PRIM2: variants seen among roughly 807,000 people sequenced by gnomAD.
The protein encoded by PRIM2 is DNA primase subunit 2.
PRIM2 carries 39 observed loss-of-function variants against 67.3 expected under a neutral mutation model. The ratio of observed to expected loss-of-function variants is 0.58; its 90% CI spans 0.45 to 0.76. The LOEUF is 0.76. PRIM2 is among the 30% of genes least tolerant of loss of function. PRIM2 has a pLI of 0.00. For missense variants in PRIM2, 398 were observed against 598.7 expected (o/e 0.66, Z 3.50); for synonymous variants, 143 against 198.7 (o/e 0.72, Z 2.36).
intron 7 of PRIM2, among the ~76,000 whole-genome samples, chr6:57,440,767 A>T (rs1314142277): frequency 6.6e-6 from 1 of 152,172 alleles, no homozygotes; most frequent in East Asian, 1.9e-4. Context: ...ACCAAATTAA[A>T]TTGCTTCCCA....
the PRIM2 span, among the ~76,000 whole-genome samples, chr6:57,223,198 G>A: frequency 6.6e-6 from 1 of 152,114 alleles, no homozygotes; most frequent in Non-Finnish European, 1.5e-5. Context: ...GACAACAAAA[G>A]TACACATGGC....
chr6:57,223,964 T>G, the PRIM2 span, among the ~76,000 whole-genome samples: 1 of 152,198 alleles, frequency 6.6e-6, no homozygotes, highest in Non-Finnish European at 1.5e-5. Flanking sequence ...ATAATTCCAC[T>G]TCTGAGTATA....
intron 7 of PRIM2, among the ~76,000 whole-genome samples, chr6:57,460,893 T>C (rs1182428419): frequency 1.8e-4 from 28 of 152,222 alleles, no homozygotes; most frequent in Admixed American, 1.6e-3. Flanking sequence ...GAACGGTTCA[T>C]AATATTGAGT....
At chr6:57,523,305 A>C in intron 8 of PRIM2, among the ~76,000 whole-genome samples, 1 of 152,250 alleles carries the variant, frequency 6.6e-6, no homozygotes, top group East Asian at 1.9e-4. Context: ...TTGCAAAATC[A>C]CACAGGTAGT....
chr6:57,407,548 C>G (rs1446848118), intron 7 of PRIM2, among the ~76,000 whole-genome samples: 1 of 152,034 alleles, frequency 6.6e-6, no homozygotes, highest in African/African-American at 2.4e-5. Flanking sequence ...TGAGCAGCCT[C>G]CACTGTTATT....
chr6:57,321,903 A>G (rs1767672195), intron 3 of PRIM2, among the ~76,000 whole-genome samples: 2 of 152,126 alleles, frequency 1.3e-5, no homozygotes, highest in South Asian at 4.1e-4. Flanking sequence ...GAATCTGGGT[A>G]TTTTGTTTCT....
intron 7 of PRIM2, among the ~76,000 whole-genome samples, chr6:57,397,033 C>G (rs1770539841): frequency 1.3e-5 from 2 of 152,142 alleles, no homozygotes; most frequent in African/African-American, 4.8e-5. Context: ...GTTGAGAAAT[C>G]TGCTGTTAAT....
intron 7 of PRIM2, among the ~76,000 whole-genome samples, chr6:57,489,673 C>G (rs2127409365): frequency 6.6e-6 from 1 of 152,410 alleles, no homozygotes; most frequent in Admixed American, 6.5e-5. Flanking sequence ...GGGAGCTGTT[C>G]CTTTGTTAAC....
intron 7 of PRIM2, among the ~76,000 whole-genome samples, chr6:57,476,727 G>T: frequency 6.6e-6 from 1 of 152,058 alleles, no homozygotes; most frequent in East Asian, 1.9e-4. Context: ...ATAAGTAATT[G>T]CATGATGTGA....
At chr6:57,404,607 A>C (rs2013268) in intron 7 of PRIM2, among the ~76,000 whole-genome samples, 1 of 152,262 alleles carries the variant, frequency 6.6e-6, no homozygotes, top group Non-Finnish European at 1.5e-5. Flanking sequence ...AATGTTTATG[A>C]ACTCGGAAAA....
At chr6:57,475,870 C>G (rs1459972436) in intron 7 of PRIM2, among the ~76,000 whole-genome samples, 8 of 152,214 alleles carry the variant, frequency 5.3e-5, no homozygotes, top group African/African-American at 1.9e-4. Context: ...ACTTAGGATC[C>G]TCTAGGGATG....
At chr6:57,395,836 A>T (rs368116102) in intron 7 of PRIM2, among the ~76,000 whole-genome samples, 11,377 of 152,162 alleles carry the variant, frequency 0.075, 1,388 homozygotes, top group African/African-American at 0.26. Context: ...CCTTTGCTGT[A>T]TCCCAGAGGT....
chr6:57,368,136 C>T (rs1222518003), intron 5 of PRIM2, among the ~76,000 whole-genome samples: 1 of 151,998 alleles, frequency 6.6e-6, no homozygotes, highest in Non-Finnish European at 1.5e-5. Context: ...TTGATCTATT[C>T]ACAGTTTTAA....
In PRIM2 at chr6:57,640,081, A is replaced by G. The variant is rs1251378171; in HGVS notation, c.1300-5847A>G. 8.5e-5 allele frequency among the ~76,000 whole-genome samples: 13 copies of G among 152,366 alleles called. No individual in the cohort carries two copies. In the South Asian group the frequency reaches 2.5e-3, roughly 29 times the overall value. ...CCCTGGGATGCAAAGCTGGTTCAACATATGCAAATCAATAAACATAATCCA... is the reference window on the plus strand; with the variant it reads ...CCCTGGGATGCAAAGCTGGTTCAACGTATGCAAATCAATAAACATAATCCA... On this transcript the variant is annotated intron_variant, in intron 13 of 13. Transcript: ENST00000615550.
At chr6:57,350,834 TAACATTATTTTAATG>T (rs1337508363) in intron 5 of PRIM2, among the ~76,000 whole-genome samples, 1 of 152,134 alleles carries the variant, frequency 6.6e-6, no homozygotes, top group Non-Finnish European at 1.5e-5. Context: ...TCTGTTTACT[TAACATTATTTTAATG>T]ATACCATCTC....
At chr6:57,636,404 C>T (rs2127500410) in intron 13 of PRIM2, among the ~76,000 whole-genome samples, 1 of 152,174 alleles carries the variant, frequency 6.6e-6, no homozygotes, top group African/African-American at 2.4e-5. Context: ...TGCTCTTCCC[C>T]TTCCCCCCAC....
At chr6:57,393,903 A>G (rs1029809594) in intron 7 of PRIM2, among the ~76,000 whole-genome samples, 9 of 151,600 alleles carry the variant, frequency 5.9e-5, no homozygotes, top group Non-Finnish European at 8.8e-5. Context: ...TCCCTGCACC[A>G]TTTGTTGAAA....
chr6:57,226,344 A>G, the PRIM2 span, among the ~76,000 whole-genome samples: 1 of 152,252 alleles, frequency 6.6e-6, no homozygotes, highest in Non-Finnish European at 1.5e-5. Flanking sequence ...TTAAGCTGTT[A>G]TCTGAAAGAT....
chr6:57,318,657 G>A (rs1767554911), intron 2 of PRIM2, 58 bp downstream of exon 2: 1 of 1,336,972 alleles, frequency 7.5e-7, no homozygotes, highest in African/African-American at 1.5e-5. Context: ...TACCCTTTGT[G>A]AGAATGAATG....
Sources: allele counts gnomAD v4.1 joint callset (sites outside exome capture counted in the v4.1 genomes callset), GRCh38; gene constraint gnomAD v4.1.1; transcripts MANE v1.5; gene names NCBI Gene and HGNC (gene_info 2026-07-23, HGNC 2026-07-21).